TENT2: variants seen among roughly 807,000 people sequenced by gnomAD.
TENT2 encodes poly(A) RNA polymerase GLD2.
Under a neutral mutation model 72.2 loss-of-function variants are expected in TENT2, and 44 were observed. That is an observed-to-expected ratio of 0.61 (90% confidence interval 0.48 to 0.78). The LOEUF (loss-of-function observed/expected upper bound fraction) is 0.78. Ranked by LOEUF, TENT2 falls within the 30% of genes least tolerant of loss-of-function variation. The pLI is 0.00. For synonymous variants in TENT2, 212 were observed against 192.5 expected (o/e 1.10, Z -0.84); for missense variants, 541 against 569.6 (o/e 0.95, Z 0.51).
chr5:79,626,848 T>C (rs926072740), intron 4 of TENT2, among the ~76,000 whole-genome samples: 1 of 151,872 alleles, frequency 6.6e-6, no homozygotes, highest in Non-Finnish European at 1.5e-5. Context: ...TAAGAACCTT[T>C]TTGCTGGGTG....
chr5:79,643,379 A>G (rs1191904330), intron 7 of TENT2, among the ~76,000 whole-genome samples: 4 of 152,184 alleles, frequency 2.6e-5, no homozygotes, highest in African/African-American at 7.2e-5. Context: ...ACAGAAAGCT[A>G]ATTGTTGACT....
At chr5:79,646,693 T>A (rs1789319149) in intron 8 of TENT2, among the ~76,000 whole-genome samples, 1 of 152,012 alleles carries the variant, frequency 6.6e-6, no homozygotes, top group African/African-American at 2.4e-5. Context: ...TAATATATGG[T>A]TGTAGTTATA....
At chr5:79,660,128 CAT>C (rs1801635619) in intron 11 of TENT2, among the ~76,000 whole-genome samples, 3 of 151,918 alleles carry the variant, frequency 2.0e-5, no homozygotes, top group Non-Finnish European at 4.4e-5. Context: ...AAATTTATAA[CAT>C]TTTAAATATT....
At chr5:79,617,728 G>A (rs1011897153) in intron 1 of TENT2, 3 of 152,090 alleles carry the variant, frequency 2.0e-5, no homozygotes, top group Non-Finnish European at 4.4e-5. Context: ...GTACAGCTAG[G>A]TATAGAATTA....
rs543230083 is a variant in TENT2 at position 79,678,847 on chromosome 5, C to T, written c.1209-732C>T. Among the ~76,000 whole-genome samples the T allele has an allele frequency of 3.3e-5, 5 of 152,248 alleles. 1 individual carries two copies. Among genetic ancestry groups the T allele is most frequent in the Non-Finnish European group, 2.9e-5 (2 of 68,014 alleles). ...CTTAACAAATAACAGATTGTTACTG[C>T]GTTGTTAACTATGACCATAGTTGTT... On this transcript the variant is annotated intron_variant, in intron 12 of 14. Transcript: ENST00000453514.
chr5:79,624,162 G>A (rs1030970897), intron 4 of TENT2, among the ~76,000 whole-genome samples: 4 of 152,106 alleles, frequency 2.6e-5, no homozygotes, highest in African/African-American at 9.7e-5. Flanking sequence ...ATTCTCTTGG[G>A]TTGTCTGTGG....
chr5:79,686,700 T>C lies in TENT2; in HGVS notation c.*1427T>C. 6.6e-6 allele frequency: 1 copy of C among 152,186 alleles called. No individual in the cohort carries two copies. Among genetic ancestry groups the C allele is most frequent in the East Asian group, 1.9e-4 (1 of 5,200 alleles). 9.4% of individuals were successfully genotyped at this position (152,186 alleles called of 1,614,324 possible). A position where few individuals can be genotyped will look rare whatever the true frequency, so the allele number is the denominator to read the frequency against. On this transcript the variant is annotated 3_prime_UTR_variant, in exon 15 of 15. Coordinates refer to ENST00000453514, the MANE Select transcript of TENT2 (RefSeq NM_001114394.3). ...CTTTGCTTTGAGATGAGACCGAGGC[T>C]GTAGTTATCATCTAGAACTGAACTA...
At chr5:79,613,506 A>G (rs1055153008) in intron 1 of TENT2, among the ~76,000 whole-genome samples, 3 of 152,160 alleles carry the variant, frequency 2.0e-5, no homozygotes, top group Non-Finnish European at 4.4e-5. Flanking sequence ...ATATCTTCAT[A>G]TTGTATGGTT....
At chr5:79,649,025 C>A (rs781668978) in intron 9 of TENT2, 37 bp from the exon 10 acceptor site, 4 of 1,598,638 alleles carry the variant, frequency 2.5e-6, no homozygotes, top group Non-Finnish European at 3.4e-6. Context: ...GAAACTATAA[C>A]GTCTCTTACC....
chr5:79,675,142 T>C (rs1816240914), intron 12 of TENT2, among the ~76,000 whole-genome samples: 1 of 152,144 alleles, frequency 6.6e-6, no homozygotes, highest in Admixed American at 6.5e-5. Context: ...GTTTTTATTG[T>C]TGGAGAGGAG....
chr5:79,659,590 ATAT>A (rs1801071675), intron 11 of TENT2, among the ~76,000 whole-genome samples: 2 of 130,694 alleles, frequency 1.5e-5, no homozygotes, highest in African/African-American at 5.7e-5. Flanking sequence ...ATATATATAT[ATAT>A]AATAGCCATC....
intron 10 of TENT2, among the ~76,000 whole-genome samples, chr5:79,654,196 C>G (rs1163750391): frequency 6.6e-6 from 1 of 152,178 alleles, no homozygotes; most frequent in Non-Finnish European, 1.5e-5. Context: ...GTTTGGGAGG[C>G]TGAGGCGGGT....
At chr5:79,626,497 C>T (rs952554803) in intron 4 of TENT2, among the ~76,000 whole-genome samples, 8 of 151,894 alleles carry the variant, frequency 5.3e-5, no homozygotes, top group East Asian at 2.0e-4. Context: ...TTATTAGAGA[C>T]GGGGTTTCAC....
At chr5:79,673,532 C>G (rs1814690570) in intron 12 of TENT2, among the ~76,000 whole-genome samples, 1 of 151,682 alleles carries the variant, frequency 6.6e-6, no homozygotes, top group South Asian at 2.1e-4. Flanking sequence ...ATTCCCAGCA[C>G]TATTTATTGA....
intron 11 of TENT2, among the ~76,000 whole-genome samples, chr5:79,658,103 G>A (rs553604687): frequency 6.6e-6 from 1 of 152,272 alleles, no homozygotes; most frequent in South Asian, 2.1e-4. Context: ...CCCTGCTGTG[G>A]TGGAGATCTC....
At chr5:79,672,165 T>A (rs554723655) in intron 12 of TENT2, among the ~76,000 whole-genome samples, 1 of 152,260 alleles carries the variant, frequency 6.6e-6, no homozygotes, top group South Asian at 2.1e-4. Flanking sequence ...GCTGAAATAC[T>A]TCTGTTTTGT....
chr5:79,669,704 C>T (rs1811398139), intron 12 of TENT2, among the ~76,000 whole-genome samples: 1 of 151,716 alleles, frequency 6.6e-6, no homozygotes, highest in Non-Finnish European at 1.5e-5. Flanking sequence ...CCATTGGATA[C>T]CACTTTGAAG....
chr5:79,624,714 C>T (rs549862663), intron 4 of TENT2, among the ~76,000 whole-genome samples: 3 of 152,242 alleles, frequency 2.0e-5, no homozygotes, highest in East Asian at 1.9e-4. Flanking sequence ...GGTTCATCCA[C>T]GTTGTAGCAT....
chr5:79,644,117 G>A (rs1030741570), intron 7 of TENT2, among the ~76,000 whole-genome samples: 6 of 152,022 alleles, frequency 3.9e-5, no homozygotes, highest in Non-Finnish European at 5.9e-5. Context: ...GATTAACTGG[G>A]ATTACAGGTG....
Sources: allele counts gnomAD v4.1 joint callset (sites outside exome capture counted in the v4.1 genomes callset), GRCh38; gene constraint gnomAD v4.1.1; transcripts MANE v1.5; gene names NCBI Gene and HGNC (gene_info 2026-07-23, HGNC 2026-07-21).